NTM: variants seen among roughly 807,000 people sequenced by gnomAD.
The protein encoded by NTM is IgLON family member 2.
A neutral mutation model predicts 42.1 loss-of-function variants in NTM; 13 were observed. That is an observed-to-expected ratio of 0.31 (90% confidence interval 0.20 to 0.49). NTM has a LOEUF of 0.49. Among genes scored for constraint, NTM ranks in the 20% least tolerant of loss-of-function variants. The pLI is 0.99. For synonymous variants in NTM, 187 were observed against 179.2 expected, an observed-to-expected ratio of 1.04 and a Z score of -0.35; for missense variants, 373 against 452.8, an observed-to-expected ratio of 0.82 and a Z score of 1.60.
chr11:131,818,886 G>A (rs1264050363), intron 1 of NTM, among the ~76,000 whole-genome samples: 1 of 152,118 alleles, frequency 6.6e-6, no homozygotes, highest in Non-Finnish European at 1.5e-5. Context: ...ACACGGAAAA[G>A]GAACTCAGTA....
intron 2 of NTM, among the ~76,000 whole-genome samples, chr11:132,060,803 G>C (rs1414816805): frequency 6.6e-6 from 1 of 152,180 alleles, no homozygotes; most frequent in Non-Finnish European, 1.5e-5. Context: ...GCTTCATATA[G>C]TGTGATTAAT....
chr11:132,229,197 C>T (rs1377181284), intron 4 of NTM, among the ~76,000 whole-genome samples: 1 of 152,110 alleles, frequency 6.6e-6, no homozygotes, highest in African/African-American at 2.4e-5. Context: ...TAAGTGTTTT[C>T]CATTTGAGAA....
At chr11:131,847,316 ATTAAAT>A (rs1013405004) in intron 1 of NTM, among the ~76,000 whole-genome samples, 1 of 150,902 alleles carries the variant, frequency 6.6e-6, no homozygotes, top group African/African-American at 2.5e-5. Flanking sequence ...TATTAAATAA[ATTAAAT>A]TTAATTCTTA....
At chr11:132,220,325 T>C (rs1273753298) in intron 4 of NTM, among the ~76,000 whole-genome samples, 1 of 152,146 alleles carries the variant, frequency 6.6e-6, no homozygotes, top group East Asian at 1.9e-4. Flanking sequence ...AGGAAGACAT[T>C]TATAGATCAC....
chr11:131,688,012 G>C (rs2074124642), intron 1 of NTM, among the ~76,000 whole-genome samples: 1 of 152,244 alleles, frequency 6.6e-6, no homozygotes, highest in Non-Finnish European at 1.5e-5. Context: ...GGAAATAGTG[G>C]TGTGATAGCC....
intron 2 of NTM, among the ~76,000 whole-genome samples, chr11:132,046,236 C>G (rs750500999): frequency 1.1e-4 from 16 of 152,298 alleles, no homozygotes; most frequent in Non-Finnish European, 1.5e-4. Context: ...CTAATGCTGA[C>G]AGTTCATGCT....
At chr11:131,516,785 C>T (rs976535411) in intron 1 of NTM, among the ~76,000 whole-genome samples, 29 of 152,196 alleles carry the variant, frequency 1.9e-4, no homozygotes, top group Admixed American at 1.7e-3. Flanking sequence ...TGTGACTGCT[C>T]AGAGAGAAGG....
chr11:132,172,359 T>C (rs909009364), intron 3 of NTM, among the ~76,000 whole-genome samples: 18 of 152,190 alleles, frequency 1.2e-4, no homozygotes, highest in Admixed American at 3.3e-4. Flanking sequence ...CTAGTTCTTC[T>C]CATCTACCTC....
At chr11:131,660,520 A>T in intron 1 of NTM, 1 of 457,326 alleles carries the variant, frequency 2.2e-6, no homozygotes. Context: ...GCCGGCACTG[A>T]CCCTGGGTCC....
intron 1 of NTM, among the ~76,000 whole-genome samples, chr11:131,375,739 G>A (rs886561943): frequency 6.6e-6 from 1 of 152,150 alleles, no homozygotes; most frequent in African/African-American, 2.4e-5. Flanking sequence ...AAGAGCTCTG[G>A]CTTCTGCTTT....
intron 1 of NTM, among the ~76,000 whole-genome samples, chr11:131,602,224 G>A (rs1278895786): frequency 6.6e-6 from 1 of 152,136 alleles, no homozygotes; most frequent in Non-Finnish European, 1.5e-5. Context: ...AAAATTCCCT[G>A]AATGGCCTTT....
chr11:131,635,246 A>G (rs2064209945), intron 1 of NTM, among the ~76,000 whole-genome samples: 1 of 152,228 alleles, frequency 6.6e-6, no homozygotes, highest in Non-Finnish European at 1.5e-5. Context: ...CAGGTCCTTC[A>G]GGAGGGATTC....
intron 4 of NTM, among the ~76,000 whole-genome samples, chr11:132,233,033 A>G (rs559034318): frequency 6.6e-6 from 1 of 151,788 alleles, no homozygotes; most frequent in South Asian, 2.1e-4. Context: ...AAGGAAATGA[A>G]GAGAGTTGAA....
chr11:131,885,671 C>T (rs961234812), intron 1 of NTM, among the ~76,000 whole-genome samples: 4 of 152,202 alleles, frequency 2.6e-5, no homozygotes, highest in East Asian at 1.9e-4. Flanking sequence ...GAAGGAGTCT[C>T]ATTGCATTAT....
At chr11:131,453,468 A>G (rs568790383) in intron 1 of NTM, among the ~76,000 whole-genome samples, 231 of 152,292 alleles carry the variant, frequency 1.5e-3, no homozygotes, top group African/African-American at 5.4e-3. Flanking sequence ...CATGAAGAAT[A>G]GAGACTACTT....
chr11:132,019,166 C>A (rs1471942279), intron 2 of NTM, among the ~76,000 whole-genome samples: 9 of 150,586 alleles, frequency 6.0e-5, no homozygotes, highest in Admixed American at 4.6e-4. Flanking sequence ...TGTTTTTTTT[C>A]ATTCTCTTAT....
chr11:131,600,490 G>A (rs1397690492), intron 1 of NTM, among the ~76,000 whole-genome samples: 1 of 152,130 alleles, frequency 6.6e-6, no homozygotes, highest in Non-Finnish European at 1.5e-5. Context: ...GCTTTTGGCT[G>A]CTGCTTTGTG....
At chr11:132,325,722 G>A (rs971298304) in intron 7 of NTM, among the ~76,000 whole-genome samples, 1 of 152,162 alleles carries the variant, frequency 6.6e-6, no homozygotes, top group Non-Finnish European at 1.5e-5. Context: ...GCACACATAT[G>A]TTTATTGTGG....
intron 1 of NTM, chr11:131,770,907 G>A (rs2135915155): frequency 6.6e-6 from 1 of 152,122 alleles, no homozygotes; most frequent in East Asian, 1.9e-4. Flanking sequence ...GCAGCTTTTG[G>A]TGTGGTGCTG....
Sources: allele counts gnomAD v4.1 joint callset (sites outside exome capture counted in the v4.1 genomes callset), GRCh38; gene constraint gnomAD v4.1.1; transcripts MANE v1.5; gene names NCBI Gene and HGNC (gene_info 2026-07-23, HGNC 2026-07-21).